Variants in EGFR observed in about 807,000 individuals in gnomAD.
The protein encoded by EGFR is epidermal growth factor receptor.
In EGFR, 58 loss-of-function variants were observed where a neutral mutation model predicts 143.0. The ratio of observed to expected loss-of-function variants is 0.41; its 90% CI spans 0.33 to 0.50. The LOEUF (loss-of-function observed/expected upper bound fraction) is 0.50. Among genes scored for constraint, EGFR ranks in the 20% least tolerant of loss-of-function variants. The probability of loss-of-function intolerance (pLI) is 0.39; values close to 1 mark genes in which losing one functional copy is unlikely to be tolerated. For synonymous variants in EGFR, 613 were observed against 594.4 expected (o/e 1.03, Z -0.45); for missense variants, 1,307 against 1,579.0 (o/e 0.83, Z 2.92).
chr7:55,139,570 T>C (rs576358653), intron 1 of EGFR, among the ~76,000 whole-genome samples: 2 of 152,358 alleles, frequency 1.3e-5, no homozygotes, highest in East Asian at 3.9e-4. Flanking sequence ...TTTCTTTTGA[T>C]ACTTTAGTAA....
rs1786477984 is a variant in EGFR, at chr7:55,174,009, T to C, written c.2150T>C (p.Val717Ala). ...LKETEFKKIK[V>A]LGSGAFGTVY... The stretch of plus-strand genomic sequence containing the variant: ...GAAACTGAATTCAAAAAGATCAAAG[T>C]GCTGGGCTCCGGTGCGTTCGGCACG... The change falls in exon 18 of 28, where the codon GTG becomes GCG. Residue 717 changes from valine to alanine, a missense_variant. By Grantham distance (64) the Val-to-Ala change is moderately conservative. Around this residue, in one of 7 missense-constraint regions of EGFR, gnomAD observed 348 missense variants for 451.5 expected, o/e 0.77. Transcript: ENST00000275493. 5 of 1,614,254 alleles carry C rather than the reference T, an allele frequency of 3.1e-6. No individual in the cohort carries two copies. Among genetic ancestry groups the C allele is most frequent in the Non-Finnish European group, 4.2e-6 (5 of 1,180,048 alleles).
rs1261035056 is a variant in EGFR at position 55,146,743 on chromosome 7, A to G, written c.559+3A>G. ...CTTCCAGAACCACCTGGGCAGCTGT[A>G]AGTGTCGCATACACACTATCTCTGC... On this transcript the variant is annotated splice_donor_region_variant and intron_variant, in intron 4 of 27. Transcript: ENST00000275493. The G allele has an allele frequency of 6.2e-7, 1 of 1,614,150 alleles. No homozygotes were observed. Among genetic ancestry groups the G allele is most frequent in the Admixed American group, 1.7e-5 (1 of 60,026 alleles).
chr7:55,111,973 G>A (rs752567236), intron 1 of EGFR, among the ~76,000 whole-genome samples: 15 of 152,174 alleles, frequency 9.9e-5, no homozygotes, highest in Non-Finnish European at 1.6e-4. Flanking sequence ...GTGGGATTGC[G>A]TGATGGGCTT....
chr7:55,180,521 A>G (rs1786811029), intron 19 of EGFR: 2 of 152,544 alleles, frequency 1.3e-5, no homozygotes, highest in Non-Finnish European at 1.5e-5. Flanking sequence ...TGGATTTCCC[A>G]TAGGGAGCCT....
At chr7:55,069,450 C>G (rs556473367) in intron 1 of EGFR, among the ~76,000 whole-genome samples, 6 of 152,330 alleles carry the variant, frequency 3.9e-5, no homozygotes, top group African/African-American at 1.4e-4. Context: ...AAAAAGACCC[C>G]TTGTTCTACT....
chr7:55,169,049 G>C (rs546019777), intron 15 of EGFR, among the ~76,000 whole-genome samples: 9 of 152,078 alleles, frequency 5.9e-5, no homozygotes, highest in Middle Eastern at 6.8e-3. Context: ...CCTTCCAACC[G>C]GGCAGGTGCA....
intron 1 of EGFR, among the ~76,000 whole-genome samples, chr7:55,033,217 A>G (rs1466450979): frequency 6.6e-6 from 1 of 152,248 alleles, no homozygotes; most frequent in Non-Finnish European, 1.5e-5. Context: ...GTAAGTAGAA[A>G]AAGCAAAATG....
Position 55,210,843 on chromosome 7 carries a change from C to T in EGFR, c.*5226C>T, listed in dbSNP as rs1051310799. On this transcript the variant is annotated 3_prime_UTR_variant, in exon 28 of 28. Transcript: ENST00000275493. ...TGCTTATGCAGCTGACATTGTTGCC[C>T]TCCCTAAAGCAACCAAGTAGCCTTT... 3 of 152,302 alleles carry T rather than the reference C, an allele frequency of 2.0e-5. No homozygotes were observed. Among genetic ancestry groups the T allele is most frequent in the East Asian group, 1.9e-4 (1 of 5,192 alleles). The allele number at this position is 152,302 out of a possible 1,614,324, so 9.4% of individuals were successfully genotyped here.
At chr7:55,083,281 C>T (rs1424581503) in intron 1 of EGFR, among the ~76,000 whole-genome samples, 2 of 152,272 alleles carry the variant, frequency 1.3e-5, no homozygotes, top group South Asian at 4.1e-4. Flanking sequence ...GCATCGCTGA[C>T]AGCCTGAAGC....
At position 55,019,344 on chromosome 7, in the gene EGFR, C is replaced by T. The variant is rs987102148; in HGVS notation, c.67C>T (p.Arg23Trp). ...ALLAALCPAS[R>W]ALEEKKVCQG... is the part of the protein sequence containing the mutation. The stretch of plus-strand genomic sequence containing the variant: ...GCTGGCTGCGCTCTGCCCGGCGAGT[C>T]GGGCTCTGGAGGAAAAGAAAGGTAA... The change falls in exon 1 of 28, where the codon CGG becomes TGG. Residue 23 changes from arginine (R) to tryptophan (W), a missense_variant. Coordinates refer to ENST00000275493, the MANE Select transcript of EGFR (RefSeq NM_005228.5). 2.6e-6 allele frequency: 4 copies of T among 1,515,250 alleles called. No individual in the cohort carries two copies. The African/African-American group carries it at 4.3e-5, about 16-fold the overall frequency. 93.9% of individuals were successfully genotyped at this position (1,515,250 alleles called of 1,614,324 possible).
chr7:55,127,837 G>A (rs1793618208), intron 1 of EGFR, among the ~76,000 whole-genome samples: 1 of 152,178 alleles, frequency 6.6e-6, no homozygotes, highest in Non-Finnish European at 1.5e-5. Flanking sequence ...TCAGATTACA[G>A]ATTGCAGACT....
chr7:55,143,773 T>A (rs558328179), intron 3 of EGFR, among the ~76,000 whole-genome samples: 5 of 152,262 alleles, frequency 3.3e-5, no homozygotes, highest in African/African-American at 1.2e-4. Context: ...AAAGAGAGTA[T>A]GACCAAACAA....
chr7:55,195,481 T>C (rs1303828102), intron 22 of EGFR, among the ~76,000 whole-genome samples: 1 of 152,248 alleles, frequency 6.6e-6, no homozygotes, highest in African/African-American at 2.4e-5. Flanking sequence ...ATATCTATAT[T>C]GTGGTTTCGT....
In EGFR at chr7:55,166,683, T is replaced by C. The variant is rs13227565; in HGVS notation, c.1880+1246T>C. Reference sequence around the variant, plus strand: ...GGTGGTGAGGAGGTGGGAGTCACAATGGTGGTGGTGATGGTGTTGATGGTG... The same window carrying C: ...GGTGGTGAGGAGGTGGGAGTCACAACGGTGGTGGTGATGGTGTTGATGGTG... On this transcript the variant is annotated intron_variant, in intron 15 of 27. Transcript: ENST00000275493. Among the ~76,000 whole-genome samples, 575 of 71,722 alleles carry C rather than the reference T, an allele frequency of 8.0e-3. 1 individual carries two copies. Among genetic ancestry groups the C allele is most frequent in the South Asian group, 0.017 (29 of 1,694 alleles). The allele number at this position is 71,722 out of a possible 152,430, so 47.1% of individuals were successfully genotyped here.
At chr7:55,124,444 T>C (rs183329606) in intron 1 of EGFR, among the ~76,000 whole-genome samples, 134 of 152,342 alleles carry the variant, frequency 8.8e-4, no homozygotes, top group African/African-American at 3.1e-3. Context: ...AGCTCTAAAA[T>C]CATGGTGCTG....
At chr7:55,170,370 A>G (rs759602022) in intron 15 of EGFR, 1 of 1,614,182 alleles carries the variant, frequency 6.2e-7, no homozygotes, top group Non-Finnish European at 8.5e-7. Flanking sequence ...CCTGTAATCA[A>G]AGTAATGATG....
At chr7:55,125,739 G>A (rs1190056971) in intron 1 of EGFR, among the ~76,000 whole-genome samples, 1 of 152,224 alleles carries the variant, frequency 6.6e-6, no homozygotes, top group Non-Finnish European at 1.5e-5. Context: ...GAAGTCCAGA[G>A]CACCTGTGCG....
At position 55,041,521 on chromosome 7, in the gene EGFR, C is replaced by T. The variant is rs559398964; in HGVS notation, c.88+22156C>T. ...GTACAGAGTGGACACCAGATAAATA[C>T]ATTGACTGCATGCCACAAACATATA... On this transcript the variant is annotated intron_variant, in intron 1 of 27. Coordinates refer to ENST00000275493, the MANE Select transcript of EGFR (RefSeq NM_005228.5). Among the ~76,000 whole-genome samples, 25 of 152,326 alleles carry T rather than the reference C, an allele frequency of 1.6e-4. No homozygotes were observed. In the South Asian group the frequency reaches 5.2e-3, roughly 32 times the overall value.
intron 1 of EGFR, among the ~76,000 whole-genome samples, chr7:55,131,072 A>G (rs1675352483): frequency 6.6e-6 from 1 of 152,142 alleles, no homozygotes; most frequent in African/African-American, 2.4e-5. Flanking sequence ...CTCCCCTCTC[A>G]CTTCCCTCCC....
Sources: allele counts gnomAD v4.1 joint callset (sites outside exome capture counted in the v4.1 genomes callset), GRCh38; gene constraint gnomAD v4.1.1; regional missense constraint gnomAD v4.1.1; transcripts MANE v1.5; gene names NCBI Gene and HGNC (gene_info 2026-07-23, HGNC 2026-07-21).